The following BTK variants were observed in gnomAD, a reference collection of about 807,000 sequenced individuals.
The protein encoded by BTK is tyrosine-protein kinase BTK.
Under a neutral mutation model 57.4 loss-of-function variants are expected in BTK, and 5 were observed. The ratio of observed to expected loss-of-function variants is 0.09; its 90% CI spans 0.05 to 0.18. BTK has a LOEUF of 0.18. Ranked by LOEUF, BTK falls within the 10% of genes least tolerant of loss-of-function variation. The pLI is 1.00. For synonymous variants in BTK, 154 were observed against 174.3 expected, an observed-to-expected ratio of 0.88 and a Z score of 0.92; for missense variants, 194 against 501.2, an observed-to-expected ratio of 0.39 and a Z score of 5.85.
At chrX:101,361,947 A>C (rs201918396) in intron 7 of BTK, among the ~76,000 whole-genome samples, 2 of 112,939 alleles carry the variant, frequency 1.8e-5, no homozygotes, top group African/African-American at 6.4e-5. Flanking sequence ...TACATTAAAA[A>C]AATCAGGTTT....
chrX:101,355,583 G>A, intron 15 of BTK: 1 of 122,224 alleles, frequency 8.2e-6, no homozygotes, highest in Non-Finnish European at 1.7e-5. Flanking sequence ...GAAATTCCAG[G>A]GTTTTTTTTT....
intron 5 of BTK, 96 bp downstream of exon 5, chrX:101,369,902 G>A (rs782547828): frequency 2.2e-5 from 16 of 716,624 alleles, no homozygotes; most frequent in East Asian, 7.6e-5. Flanking sequence ...TTTCTTTCTC[G>A]TTTCTCTCTT....
At chrX:101,369,908 C>T in intron 5 of BTK, 90 bp downstream of exon 5, 3 of 854,350 alleles carry the variant, frequency 3.5e-6, no homozygotes, top group South Asian at 4.4e-5. Flanking sequence ...TCTCGTTTCT[C>T]TCTTCCTTCT....
chrX:101,372,115 A>G (rs781802280), intron 3 of BTK, among the ~76,000 whole-genome samples: 2 of 112,163 alleles, frequency 1.8e-5, no homozygotes, highest in East Asian at 5.5e-4. Context: ...ATCCTGTGGG[A>G]GGCAAGCTTT....
Position 101,356,806 on chromosome X carries a change from T to C in BTK, c.1327A>G (p.Ile443Val). ...KEGSMSEDEF[I>V]EEAKVMMNLS... ...CACATCATGACTTTGGCTTCTTCAA[T>C]GAATTCATCTTCAGACATGGAGCCT... Residue 443 changes from isoleucine (I) to valine (V), a missense_variant, in exon 14 of 19, where the codon ATT becomes GTT. Ile to Val is a conservative substitution (Grantham distance 29). Transcript: ENST00000308731. 8.3e-7 allele frequency: 1 copy of C among 1,211,967 alleles called. No homozygotes were observed. Among genetic ancestry groups the C allele is most frequent in the South Asian group, 1.8e-5 (1 of 57,022 alleles).
chrX:101,356,564 T>A (rs1603004946), intron 14 of BTK: 1 of 458,828 alleles, frequency 2.2e-6, no homozygotes. Flanking sequence ...CAAATGCTAC[T>A]GAGATGGTAC....
At chrX:101,375,020 G>T in intron 2 of BTK, 124 bp downstream of exon 2, 1 of 862,734 alleles carries the variant, frequency 1.2e-6, no homozygotes, top group Non-Finnish European at 1.7e-6. Flanking sequence ...TGCTGAATTT[G>T]AAAGAACTTA....
intron 1 of BTK, among the ~76,000 whole-genome samples, chrX:101,378,428 A>T (rs782453690): frequency 9.1e-6 from 1 of 110,173 alleles, no homozygotes. Context: ...TAGCCTACAG[A>T]GTCGGTTTGA....
Position 101,357,600 on chromosome X carries a change from G to C in BTK, c.1103-17C>G, listed in dbSNP as rs369064891. On this transcript the variant is annotated splice_polypyrimidine_tract_variant and intron_variant, in intron 12 of 18. Transcript: ENST00000308731. ...ATATGAGTCCTGAAACAGAGAGAGA[G>C]GTCATGCTGTTGGTGTGGTGTAGGA... 5.0e-6 allele frequency: 6 copies of C among 1,188,538 alleles called. No individual in the cohort carries two copies. The African/African-American group carries it at 1.1e-4, about 21-fold the overall frequency.
intron 1 of BTK, among the ~76,000 whole-genome samples, chrX:101,376,078 A>G (rs982108475): frequency 9.0e-6 from 1 of 111,059 alleles, no homozygotes; most frequent in African/African-American, 3.3e-5. Context: ...TCTTACTGAT[A>G]TAGATGCCAC....
chrX:101,388,502 T>C (rs1927687002), upstream of BTK, among the ~76,000 whole-genome samples: 1 of 111,705 alleles, frequency 9.0e-6, no homozygotes, highest in Non-Finnish European at 1.9e-5. Context: ...TTGAGGAAAA[T>C]ATAAAAAGTA....
In BTK at chrX:101,358,650, T is replaced by C. The variant is rs1386621585; in HGVS notation, c.941A>G (p.Lys314Arg). The stretch of plus-strand genomic sequence containing the variant: ...TTTAGCAAACACAGACACTGTATAT[T>C]TGCCAGCTTTGCTGGAGTCTCTGAC... The part of the protein sequence containing the change: ...FIVRDSSKAG[K>R]YTVSVFAKST... The change falls in exon 11 of 19, where the codon AAA (lysine) becomes AGA (arginine). Residue 314 changes from lysine to arginine, a missense_variant. This residue lies in a region of BTK where 115 missense variants were observed against 258.3 expected (regional missense o/e 0.45). Transcript: ENST00000308731. The C allele has an allele frequency of 1.7e-6, 2 of 1,209,192 alleles. No homozygotes were observed. The highest frequency in any genetic ancestry group is 2.2e-5 in the Admixed American group (1 of 45,724).
At chrX:101,355,560 TCAA>T in intron 15 of BTK, 1 of 123,904 alleles carries the variant, frequency 8.1e-6, no homozygotes, top group Non-Finnish European at 1.7e-5. Context: ...GTGTAGATTT[TCAA>T]GAGAAGCTGG....
Position 101,371,686 on chromosome X carries a change from A to C in BTK, c.256T>G (p.Ser86Ala), listed in dbSNP as rs1927038069. 1 of 1,203,056 alleles carries C rather than the reference A, an allele frequency of 8.3e-7. No individual in the cohort carries two copies. Among genetic ancestry groups the C allele is most frequent in the Admixed American group, 2.2e-5 (1 of 45,611 alleles). Reference protein sequence around the residue: ...ERQIPRRGEESSEMEQISIIE... With the variant: ...ERQIPRRGEEASEMEQISIIE... ...ATTGAAATTTGCTCCATTTCACTGG[A>C]CTCTTCACCTCTTCTCTGTAATGAA... is the stretch of plus-strand genomic sequence containing the variant. Residue 86 changes from serine to alanine, a missense_variant, in exon 4 of 19, where the codon TCC (serine) becomes GCC (alanine). Around this residue, in one of 3 missense-constraint regions of BTK, gnomAD observed 115 missense variants for 258.3 expected, o/e 0.45. Transcript: ENST00000308731.
chrX:101,350,534 C>A (rs782188708), intron 18 of BTK, among the ~76,000 whole-genome samples: 134 of 106,979 alleles, frequency 1.3e-3, no homozygotes, highest in Non-Finnish European at 2.4e-3. Flanking sequence ...CTCACTGCCA[C>A]CTCCCAGGTT....
chrX:101,357,040 T>C, intron 13 of BTK, 85 bp from the exon 14 acceptor site: 1 of 1,021,549 alleles, frequency 9.8e-7, no homozygotes, highest in Non-Finnish European at 1.4e-6. Flanking sequence ...GGGGTAGAAA[T>C]AGGAAAACTA....
chrX:101,357,462 T>C, intron 13 of BTK, 47 bp downstream of exon 13: 1 of 1,145,565 alleles, frequency 8.7e-7, no homozygotes, highest in Non-Finnish European at 1.2e-6. Flanking sequence ...CAAAGGTAGT[T>C]TTTGCAACTG....
At chrX:101,350,449 GTT>G (rs1255601719) in intron 18 of BTK, among the ~76,000 whole-genome samples, 10 of 73,954 alleles carry the variant, frequency 1.4e-4, no homozygotes, top group African/African-American at 5.0e-4. Flanking sequence ...AAAGACTAAG[GTT>G]TTTTTTTTTT....
chrX:101,359,373 T>A, intron 9 of BTK, 26 bp from the exon 10 acceptor site: 9 of 1,204,400 alleles, frequency 7.5e-6, no homozygotes, highest in Non-Finnish European at 1.0e-5. Context: ...GCTGCTTGAG[T>A]GGCTCCTGGT....
Sources: gnomAD v4.1 joint callset for allele counts (sites outside exome capture counted in the v4.1 genomes callset) on GRCh38, gnomAD v4.1.1 for gene constraint, gnomAD v4.1.1 regional missense constraint, MANE v1.5 for transcripts, NCBI Gene and HGNC (gene_info 2026-07-23, HGNC 2026-07-21) for gene names.